Variants in GUCY1A1 observed in about 807,000 individuals in gnomAD.
The protein encoded by GUCY1A1 is guanylate cyclase 1 soluble subunit alpha 1, also known as guanylate cyclase soluble subunit alpha-1.
Under a neutral mutation model 64.5 loss-of-function variants are expected in GUCY1A1, and 48 were observed. The ratio of observed to expected loss-of-function variants is 0.74; its 90% CI spans 0.59 to 0.95. The LOEUF is 0.95. Among genes scored for constraint, GUCY1A1 ranks in the 40% least tolerant of loss-of-function variants. GUCY1A1 has a pLI of 0.00. For synonymous variants in GUCY1A1, 308 were observed against 303.4 expected (o/e 1.02, Z -0.16); for missense variants, 804 against 825.3 (o/e 0.97, Z 0.32).
In GUCY1A1 at chr4:155,720,660, A is replaced by G. The variant is rs141822491; in HGVS notation, c.1717-1378A>G. On this transcript the variant is annotated intron_variant, in intron 8 of 9. Coordinates refer to ENST00000506455, the MANE Select transcript of GUCY1A1 (RefSeq NM_001130682.3). ...TTTTGTAGAACTCATATGACATCTT[A>G]AAAGTAAATGAGTCTGGAAAGTTTC... Among the ~76,000 whole-genome samples, 425 of 152,274 alleles carry G rather than the reference A, an allele frequency of 2.8e-3. 6 individuals carry two copies. The highest frequency in any genetic ancestry group is 9.3e-3 in the African/African-American group (385 of 41,570).
Position 155,731,034 on chromosome 4 carries a change from T to TTA in GUCY1A1, c.*807_*808dup, listed in dbSNP as rs1179029662. ...GCAAAGTATTCAGAATAAAAGAGGTTTATATCTTCTATTAAAATGCAGTAA... is the reference window on the plus strand; with the variant it reads ...GCAAAGTATTCAGAATAAAAGAGGTTTATATATCTTCTATTAAAATGCAGTAA... On this transcript the variant is annotated 3_prime_UTR_variant, in exon 10 of 10. Transcript: ENST00000506455. 6.5e-6 allele frequency: 1 copy of TTA among 153,382 alleles called. No homozygotes were observed. Among genetic ancestry groups the TTA allele is most frequent in the African/African-American group, 2.4e-5 (1 of 41,402 alleles). 9.5% of individuals were successfully genotyped at this position (153,382 alleles called of 1,614,324 possible). A position where few individuals can be genotyped will look rare whatever the true frequency, so the allele number is the denominator to read the frequency against.
chr4:155,713,462 T>C lies in GUCY1A1; in HGVS notation c.1451T>C (p.Phe484Ser). ...AAGTTCAGTAATGTCACCATGCTCT[T>C]CTCAGACATCGTTGGGTTCACTGCC... ...AKKFSNVTML[F>S]SDIVGFTAIC... is the part of the protein sequence containing the mutation. The change falls in exon 7 of 10, where the codon TTC becomes TCC. Residue 484 changes from phenylalanine to serine, a missense_variant. Physicochemically the swap from Phe to Ser is radical, Grantham distance 155. Coordinates refer to ENST00000506455, the MANE Select transcript of GUCY1A1 (RefSeq NM_001130682.3). The C allele has an allele frequency of 6.2e-7, 1 of 1,614,144 alleles. No homozygotes were observed. Among genetic ancestry groups the C allele is most frequent in the East Asian group, 2.2e-5 (1 of 44,876 alleles).
rs1346203410 is a variant in GUCY1A1, at chr4:155,732,648, G to C, written c.*2417G>C. 6.6e-6 allele frequency among the ~76,000 whole-genome samples: 1 copy of C among 151,906 alleles called. No individual in the cohort carries two copies. Among genetic ancestry groups the C allele is most frequent in the Non-Finnish European group, 1.5e-5 (1 of 67,896 alleles). On this transcript the variant is annotated 3_prime_UTR_variant, in exon 10 of 10. Coordinates refer to ENST00000506455, the MANE Select transcript of GUCY1A1 (RefSeq NM_001130682.3). Reference sequence around the variant, plus strand: ...TAAAATAAATAAGGGGCCCAAGTCAGAGCTTTGAGGTATTGAAGATGGAAA... The same window carrying C: ...TAAAATAAATAAGGGGCCCAAGTCACAGCTTTGAGGTATTGAAGATGGAAA...
chr4:155,732,678 G>A lies in GUCY1A1; in HGVS notation c.*2447G>A, dbSNP rs1011990085. Among the ~76,000 whole-genome samples the A allele has an allele frequency of 3.3e-5, 5 of 151,844 alleles. No homozygotes were observed. The highest frequency in any genetic ancestry group is 6.6e-5 in the Admixed American group (1 of 15,208). On this transcript the variant is annotated 3_prime_UTR_variant, in exon 10 of 10. Transcript: ENST00000506455. ...TTGAGGTATTGAAGATGGAAAAATA[G>A]TGGACAAACAGCCTGTAATCAGGTT... is the stretch of plus-strand genomic sequence containing the variant.
In GUCY1A1 at chr4:155,730,044, G is replaced by T; in HGVS notation, c.1886G>T (p.Cys629Phe). Residue 629 changes from cysteine (C) to phenylalanine (F), a missense_variant, in exon 10 of 10, where the codon TGT (cysteine) becomes TTT (phenylalanine). By Grantham distance (205) the Cys-to-Phe change is radical (BLOSUM62 -2). Transcript: ENST00000506455. ...AATATTTTCAGATTACTCAAAGACT[G>T]TCCTGGTTTCGTGTTTACCCCTCGA... ...SPTTYRLLKD[C>F]PGFVFTPRSR... The T allele has an allele frequency of 1.9e-6, 3 of 1,600,900 alleles. No individual in the cohort carries two copies. Among genetic ancestry groups the T allele is most frequent in the South Asian group, 1.1e-5 (1 of 90,774 alleles).
chr4:155,717,407 A>T, intron 8 of GUCY1A1, 105 bp downstream of exon 8: 1 of 697,028 alleles, frequency 1.4e-6, no homozygotes, highest in Non-Finnish European at 2.1e-6. Context: ...AGAGAGAGAG[A>T]GAAAGCAAAA....
chr4:155,717,386 G>A (rs915113048), intron 8 of GUCY1A1, 84 bp downstream of exon 8: 1 of 1,007,640 alleles, frequency 9.9e-7, no homozygotes, highest in Non-Finnish European at 1.4e-6. Context: ...GTATCAGTTG[G>A]GGGTTAGTTG....
chr4:155,690,504 T>C (rs903053230), intron 2 of GUCY1A1, among the ~76,000 whole-genome samples: 2 of 152,306 alleles, frequency 1.3e-5, no homozygotes, highest in South Asian at 2.1e-4. Flanking sequence ...GAATAGAGTA[T>C]TATCTTGTTT....
At chr4:155,712,130 CTATTT>C (rs547278523) in intron 6 of GUCY1A1, among the ~76,000 whole-genome samples, 188 of 152,068 alleles carry the variant, frequency 1.2e-3, no homozygotes, top group Non-Finnish European at 2.3e-3. Context: ...TGGTTGTGCT[CTATTT>C]TATTTTATTT....
chr4:155,710,880 T>C lies in GUCY1A1; in HGVS notation c.715T>C (p.Cys239Arg). 1 of 1,613,722 alleles carries C rather than the reference T, an allele frequency of 6.2e-7. No homozygotes were observed. The highest frequency in any genetic ancestry group is 8.5e-7 in the Non-Finnish European group (1 of 1,179,590). The change falls in exon 6 of 10, where the codon TGC (cysteine) becomes CGC (arginine). Residue 239 changes from cysteine to arginine, a missense_variant. Coordinates refer to ENST00000506455, the MANE Select transcript of GUCY1A1 (RefSeq NM_001130682.3). ...TEVEVSLMPPCFHNDCSEFVN... is the reference protein window; with the variant it reads ...TEVEVSLMPPRFHNDCSEFVN... ...AGTGGAAGTGTCGTTAATGCCTCCC[T>C]GCTTCCATAATGATTGCAGCGAGTT...
At chr4:155,709,361 CT>C (rs1246046817) in intron 5 of GUCY1A1, among the ~76,000 whole-genome samples, 6 of 152,278 alleles carry the variant, frequency 3.9e-5, no homozygotes, top group African/African-American at 1.4e-4. Context: ...TCTCCTATCT[CT>C]TTTTCCTTTT....
In GUCY1A1 at chr4:155,730,410, G is replaced by C; in HGVS notation, c.*179G>C. ...TGTATGTACTCACTTCAGTACTTCA[G>C]CTCTTCAAGAAAAAAAAAAAAAACC... On this transcript the variant is annotated 3_prime_UTR_variant, in exon 10 of 10. Coordinates refer to ENST00000506455, the MANE Select transcript of GUCY1A1 (RefSeq NM_001130682.3). The C allele has an allele frequency of 5.0e-6, 2 of 399,840 alleles. No homozygotes were observed. Among genetic ancestry groups the C allele is most frequent in the South Asian group, 6.5e-5 (1 of 15,276 alleles). 24.8% of individuals were successfully genotyped at this position (399,840 alleles called of 1,614,324 possible). A position where few individuals can be genotyped will look rare whatever the true frequency, so the allele number is the denominator to read the frequency against.
rs985344517 is a variant in GUCY1A1, at chr4:155,736,386, G to A, written c.*6155G>A. 1 of 151,900 alleles carries A rather than the reference G, an allele frequency of 6.6e-6. No homozygotes were observed. Among genetic ancestry groups the A allele is most frequent in the Non-Finnish European group, 1.5e-5 (1 of 67,926 alleles). 9.4% of individuals were successfully genotyped at this position (151,900 alleles called of 1,614,324 possible). A position where few individuals can be genotyped will look rare whatever the true frequency, so the allele number is the denominator to read the frequency against. ...TAGACTATCACCCCTCCAAAAATGT[G>A]CATATGGCCCCATACAAGACACATG... On this transcript the variant is annotated 3_prime_UTR_variant, in exon 10 of 10. Transcript: ENST00000506455.
intron 2 of GUCY1A1, among the ~76,000 whole-genome samples, chr4:155,679,768 GA>G (rs1735461631): frequency 6.6e-6 from 1 of 152,166 alleles, no homozygotes; most frequent in South Asian, 2.1e-4. Context: ...ATGATGTGTG[GA>G]TAAAAGTTTA....
Position 155,696,894 on chromosome 4 carries a change from C to G in GUCY1A1, c.27C>G (p.Leu9=), listed in dbSNP as rs150855273. ...TGTTCTGCACGAAGCTCAAGGATCTCAAGATCACAGGAGAGTGTCCTTTCT... is the reference window on the plus strand; with the variant it reads ...TGTTCTGCACGAAGCTCAAGGATCTGAAGATCACAGGAGAGTGTCCTTTCT... MFCTKLKD[L]KITGECPFSL... is the part of the protein sequence containing the mutation. The change falls in exon 3 of 10, where the codon CTC becomes CTG. Residue 9 remains leucine (L), a synonymous_variant. Transcript: ENST00000506455. The G allele has an allele frequency of 1.8e-5, 29 of 1,613,594 alleles. No individual in the cohort carries two copies. The African/African-American group carries it at 3.5e-4, about 19-fold the overall frequency.
intron 9 of GUCY1A1, among the ~76,000 whole-genome samples, chr4:155,723,332 A>C (rs1300893207): frequency 1.3e-5 from 2 of 152,128 alleles, no homozygotes. Context: ...GCCACGTGTC[A>C]TCTAGCATCA....
intron 4 of GUCY1A1, among the ~76,000 whole-genome samples, chr4:155,706,042 C>T (rs1347304384): frequency 1.3e-5 from 2 of 152,190 alleles, no homozygotes; most frequent in South Asian, 2.1e-4. Context: ...TGTTCTGAAT[C>T]GTTCCTACAG....
At position 155,734,074 on chromosome 4, in the gene GUCY1A1, G is replaced by T. The variant is rs147067279; in HGVS notation, c.*3843G>T. 1.7e-3 allele frequency among the ~76,000 whole-genome samples: 258 copies of T among 151,966 alleles called. 5 individuals are homozygous for T. The East Asian group carries it at 0.043, about 25-fold the overall frequency. On this transcript the variant is annotated 3_prime_UTR_variant, in exon 10 of 10. Coordinates refer to ENST00000506455, the MANE Select transcript of GUCY1A1 (RefSeq NM_001130682.3). ...CATTTCTTCCAAATTTCTTCTCCCT[G>T]ATATTTCCAGCCACGCCAAGGCAAA... is the stretch of plus-strand genomic sequence containing the variant.
At chr4:155,695,255 C>G (rs7688075) in intron 2 of GUCY1A1, among the ~76,000 whole-genome samples, 33,156 of 151,850 alleles carry the variant, frequency 0.22, 3,687 homozygotes, top group Non-Finnish European at 0.24. Context: ...ATGAGTTGTT[C>G]ATTGTTCTAA....
Sources: allele counts gnomAD v4.1 joint callset (sites outside exome capture counted in the v4.1 genomes callset), GRCh38; gene constraint gnomAD v4.1.1; transcripts MANE v1.5; gene names NCBI Gene and HGNC (gene_info 2026-07-23, HGNC 2026-07-21).